The following CRPPA variants were observed in gnomAD, a reference collection of about 807,000 sequenced individuals.
CRPPA encodes CDP-L-ribitol pyrophosphorylase A.
Under a neutral mutation model 52.0 loss-of-function variants are expected in CRPPA, and 43 were observed. The observed-to-expected ratio is 0.83, with a 90% CI of 0.65 to 1.07. The LOEUF is 1.07. CRPPA is among the 50% of genes least tolerant of loss of function. The pLI, the probability that CRPPA is intolerant of heterozygous loss-of-function variation, is 0.00. For missense variants in CRPPA, 629 were observed against 551.7 expected, an observed-to-expected ratio of 1.14 and a Z score of -1.40; for synonymous variants, 250 against 203.5, an observed-to-expected ratio of 1.23 and a Z score of -1.94.
intron 9 of CRPPA, among the ~76,000 whole-genome samples, chr7:16,172,673 T>C (rs1216253411): frequency 6.6e-6 from 1 of 152,228 alleles, no homozygotes; most frequent in African/African-American, 2.4e-5. Context: ...CTCTCTCTCC[T>C]ATGTGATCCT....
Position 16,216,083 on chromosome 7 carries a change from G to A in CRPPA, c.1234C>T (p.Leu412Phe). The A allele has an allele frequency of 1.3e-6, 2 of 1,595,202 alleles. No homozygotes were observed. Among genetic ancestry groups the A allele is most frequent in the African/African-American group, 1.4e-5 (1 of 74,048 alleles). Reference sequence around the variant, plus strand: ...TTACCTACCTGTGGGTAAGATATGAGAAGCCCATATAACAAAATATTTCTT... The same window carrying A: ...TTACCTACCTGTGGGTAAGATATGAAAAGCCCATATAACAAAATATTTCTT... ...KERNILLYGL[L>F]ISYPQDDQKL... is the part of the protein sequence containing the mutation. The change falls in exon 9 of 10, where the codon CTC (leucine) becomes TTC (phenylalanine). Residue 412 changes from leucine to phenylalanine, a missense_variant. Leu to Phe is a conservative substitution (Grantham distance 22, BLOSUM62 0). Coordinates refer to ENST00000407010, the MANE Select transcript of CRPPA (RefSeq NM_001101426.4).
chr7:16,167,832 T>G (rs1455437830), intron 9 of CRPPA, among the ~76,000 whole-genome samples: 1 of 152,252 alleles, frequency 6.6e-6, no homozygotes, highest in Non-Finnish European at 1.5e-5. Flanking sequence ...TTAACGAAGT[T>G]GTCCTGACTC....
chr7:16,362,723 T>C (rs1786489058), intron 3 of CRPPA, among the ~76,000 whole-genome samples: 1 of 152,232 alleles, frequency 6.6e-6, no homozygotes, highest in Non-Finnish European at 1.5e-5. Flanking sequence ...GAAATTCTGA[T>C]TGTATTAAGT....
intron 5 of CRPPA, among the ~76,000 whole-genome samples, chr7:16,296,727 C>A (rs1300375934): frequency 2.0e-5 from 3 of 152,046 alleles, no homozygotes; most frequent in Non-Finnish European, 4.4e-5. Context: ...TTAAACAGTA[C>A]CCCAAATCAT....
intron 2 of CRPPA, among the ~76,000 whole-genome samples, chr7:16,385,517 T>A (rs1787237703): frequency 6.6e-6 from 1 of 152,162 alleles, no homozygotes; most frequent in Non-Finnish European, 1.5e-5. Flanking sequence ...ATATCTCATA[T>A]CCAGCAAAAC....
chr7:16,107,784 AC>A (rs1463582134), intron 9 of CRPPA, among the ~76,000 whole-genome samples: 1 of 152,150 alleles, frequency 6.6e-6, no homozygotes, highest in African/African-American at 2.4e-5. Context: ...GTTTAAAAAA[AC>A]ACTACTAATA....
At chr7:16,379,155 T>C (rs2128312677) in intron 2 of CRPPA, among the ~76,000 whole-genome samples, 1 of 152,352 alleles carries the variant, frequency 6.6e-6, no homozygotes, top group South Asian at 2.1e-4. Context: ...CCATTGCTTT[T>C]GGTGTTTTAG....
chr7:16,398,823 G>A (rs1040406704), intron 2 of CRPPA, among the ~76,000 whole-genome samples: 24 of 152,284 alleles, frequency 1.6e-4, no homozygotes, highest in African/African-American at 5.5e-4. Context: ...TGACCAATAC[G>A]TTTGACACGT....
intron 9 of CRPPA, among the ~76,000 whole-genome samples, chr7:16,177,594 A>T (rs1262131609): frequency 6.6e-6 from 1 of 152,138 alleles, no homozygotes; most frequent in African/African-American, 2.4e-5. Context: ...AAAACTAAAA[A>T]GTTTGAAGGA....
chr7:16,173,938 A>AG (rs1346898359), intron 9 of CRPPA, among the ~76,000 whole-genome samples: 13 of 152,218 alleles, frequency 8.5e-5, no homozygotes, highest in Admixed American at 1.3e-4. Flanking sequence ...TACTATATTG[A>AG]GAAAAAACTG....
chr7:16,389,934 T>TAA (rs1787399605), intron 2 of CRPPA, among the ~76,000 whole-genome samples: 1 of 58,638 alleles, frequency 1.7e-5, no homozygotes, highest in Admixed American at 1.8e-4. Context: ...AAAAAATATA[T>TAA]ATATATATAT....
intron 2 of CRPPA, among the ~76,000 whole-genome samples, chr7:16,379,363 A>C (rs1165893309): frequency 6.6e-6 from 1 of 152,188 alleles, no homozygotes; most frequent in Non-Finnish European, 1.5e-5. Flanking sequence ...CTGTTTCGGT[A>C]CCAGTACCAT....
At chr7:16,397,665 G>C (rs555150117) in intron 2 of CRPPA, among the ~76,000 whole-genome samples, 1 of 151,862 alleles carries the variant, frequency 6.6e-6, no homozygotes, top group East Asian at 1.9e-4. Context: ...ATGTGACTAA[G>C]ACGTCACCGA....
At chr7:16,355,790 G>A (rs983544344) in intron 3 of CRPPA, among the ~76,000 whole-genome samples, 1 of 152,158 alleles carries the variant, frequency 6.6e-6, no homozygotes, top group African/African-American at 2.4e-5. Context: ...AGATAGCAGG[G>A]TGGCAAGGCA....
At chr7:16,318,766 C>G (rs1239156082) in intron 3 of CRPPA, among the ~76,000 whole-genome samples, 1 of 152,144 alleles carries the variant, frequency 6.6e-6, no homozygotes, top group East Asian at 1.9e-4. Context: ...TCAATCACAT[C>G]TGGTAAAAAT....
intron 9 of CRPPA, among the ~76,000 whole-genome samples, chr7:16,155,873 T>C (rs1394587625): frequency 1.3e-5 from 2 of 152,042 alleles, no homozygotes; most frequent in Admixed American, 1.3e-4. Context: ...AACACAATAA[T>C]AGAGGGATAC....
intron 5 of CRPPA, among the ~76,000 whole-genome samples, chr7:16,286,062 T>TAATATTAAAAA (rs1562608493): frequency 3.1e-5 from 1 of 32,370 alleles, no homozygotes; most frequent in African/African-American, 2.0e-4. Flanking sequence ...TATATATATA[T>TAATATTAAAAA]ATATATATAT....
At chr7:16,391,595 C>T (rs1401199235) in intron 2 of CRPPA, among the ~76,000 whole-genome samples, 2 of 152,122 alleles carry the variant, frequency 1.3e-5, no homozygotes, top group Non-Finnish European at 2.9e-5. Context: ...TTAAATAACG[C>T]TAAAAAATTC....
intron 3 of CRPPA, among the ~76,000 whole-genome samples, chr7:16,335,149 C>T (rs1562638382): frequency 1.5e-5 from 1 of 65,834 alleles, no homozygotes; most frequent in African/African-American, 5.9e-5. Context: ...AGAGACCCAT[C>T]TCTACAAAAA....
Sources: gnomAD v4.1 joint callset for allele counts (sites outside exome capture counted in the v4.1 genomes callset) on GRCh38, gnomAD v4.1.1 for gene constraint, MANE v1.5 for transcripts, NCBI Gene and HGNC (gene_info 2026-07-23, HGNC 2026-07-21) for gene names.